Variants in AGBL4 observed in about 807,000 individuals in gnomAD.
The protein encoded by AGBL4 is AGBL carboxypeptidase 4.
In AGBL4, 58 loss-of-function variants were observed where a neutral mutation model predicts 66.4. That is an observed-to-expected ratio of 0.87 (90% CI 0.71 to 1.09). AGBL4 has a LOEUF of 1.09. Among genes scored for constraint, AGBL4 ranks in the 50% least tolerant of loss-of-function variants. AGBL4 has a pLI of 0.00. For missense variants in AGBL4, 579 were observed against 631.0 expected (o/e 0.92, Z 0.88); for synonymous variants, 234 against 222.9 (o/e 1.05, Z -0.44).
intron 4 of AGBL4, among the ~76,000 whole-genome samples, chr1:49,048,685 T>C (rs1644139610): frequency 6.6e-6 from 1 of 152,146 alleles, no homozygotes; most frequent in Admixed American, 6.5e-5. Context: ...TTTTGTTTAT[T>C]ATGTCTCAGA....
chr1:49,589,749 A>C (rs1644718390), intron 3 of AGBL4, among the ~76,000 whole-genome samples: 1 of 152,138 alleles, frequency 6.6e-6, no homozygotes, highest in Non-Finnish European at 1.5e-5. Context: ...GTCCCAATTA[A>C]GAGTGAAATT....
intron 6 of AGBL4, among the ~76,000 whole-genome samples, chr1:48,663,460 C>T (rs1324393504): frequency 6.6e-6 from 1 of 152,174 alleles, no homozygotes; most frequent in Non-Finnish European, 1.5e-5. Context: ...TACAACTGAT[C>T]ATATTATATT....
intron 5 of AGBL4, among the ~76,000 whole-genome samples, chr1:48,967,168 C>G (rs1658512239): frequency 6.6e-6 from 1 of 151,996 alleles, no homozygotes; most frequent in Non-Finnish European, 1.5e-5. Flanking sequence ...ACTGTGTTTC[C>G]TTATACTTCA....
intron 3 of AGBL4, among the ~76,000 whole-genome samples, chr1:49,273,946 T>G (rs1003776656): frequency 6.6e-6 from 1 of 152,146 alleles, no homozygotes; most frequent in African/African-American, 2.4e-5. Flanking sequence ...CCTCCCAAAG[T>G]GCTGGGATTA....
intron 3 of AGBL4, among the ~76,000 whole-genome samples, chr1:49,408,105 T>G (rs769971924): frequency 6.6e-6 from 1 of 152,154 alleles, no homozygotes; most frequent in Admixed American, 6.5e-5. Context: ...GTGATTCTAC[T>G]CCTTTGCCTG....
chr1:49,173,326 A>C (rs1646772733), intron 4 of AGBL4, among the ~76,000 whole-genome samples: 1 of 152,186 alleles, frequency 6.6e-6, no homozygotes, highest in Admixed American at 6.5e-5. Flanking sequence ...TATTTTACTG[A>C]TTGGAATACA....
At chr1:48,771,237 C>T (rs2148693223) in intron 6 of AGBL4, among the ~76,000 whole-genome samples, 1 of 152,268 alleles carries the variant, frequency 6.6e-6, no homozygotes, top group African/African-American at 2.4e-5. Flanking sequence ...GTACACACAA[C>T]TTCTGTCCCT....
rs574201049 is a variant in AGBL4, at chr1:49,191,308, C to T, written c.377+54462G>A. Among the ~76,000 whole-genome samples, 25 of 152,336 alleles carry T rather than the reference C, an allele frequency of 1.6e-4. No homozygotes were observed. In the South Asian group the frequency reaches 3.5e-3, roughly 21 times the overall value. ...ACACCGTGTACTTCTCCAATTATAT[C>T]ACCTAGCACAAGATGCACATTTAGT... On this transcript the variant is annotated intron_variant, in intron 4 of 13. Coordinates refer to ENST00000371839, the MANE Select transcript of AGBL4 (RefSeq NM_032785.4).
intron 4 of AGBL4, among the ~76,000 whole-genome samples, chr1:49,194,956 G>A (rs894682048): frequency 1.3e-5 from 2 of 151,782 alleles, no homozygotes; most frequent in African/African-American, 4.8e-5. Flanking sequence ...TCCCACCTCA[G>A]CAATGGAGTA....
intron 3 of AGBL4, among the ~76,000 whole-genome samples, chr1:49,441,650 C>A (rs1646033609): frequency 6.6e-6 from 1 of 152,174 alleles, no homozygotes; most frequent in African/African-American, 2.4e-5. Flanking sequence ...TATAATTTCT[C>A]TTCTCTGTAT....
chr1:49,304,820 T>A (rs1644820883), intron 3 of AGBL4, among the ~76,000 whole-genome samples: 1 of 152,172 alleles, frequency 6.6e-6, no homozygotes. Flanking sequence ...AGACATAGTA[T>A]AAACTGTTAT....
At chr1:49,317,021 A>G (rs1176245622) in intron 3 of AGBL4, among the ~76,000 whole-genome samples, 1 of 151,914 alleles carries the variant, frequency 6.6e-6, no homozygotes, top group Non-Finnish European at 1.5e-5. Context: ...AGAAAAAAAC[A>G]TATATAGCAT....
At chr1:49,056,544 G>A (rs1273879762) in intron 4 of AGBL4, among the ~76,000 whole-genome samples, 2 of 152,112 alleles carry the variant, frequency 1.3e-5, no homozygotes, top group African/African-American at 4.8e-5. Flanking sequence ...AAGTTTTTGT[G>A]TCTCTAGGAA....
intron 6 of AGBL4, chr1:48,728,067 C>T (rs1647458631): frequency 6.4e-7 from 1 of 1,557,980 alleles, no homozygotes; most frequent in African/African-American, 1.4e-5. Context: ...AGAAACAAGG[C>T]CAAGGATTAA....
intron 3 of AGBL4, among the ~76,000 whole-genome samples, chr1:49,612,299 G>A (rs1008874285): frequency 2.0e-5 from 3 of 152,054 alleles, no homozygotes; most frequent in African/African-American, 7.2e-5. Flanking sequence ...TGTTATTCTT[G>A]TTGTTTTATC....
chr1:50,002,745 G>C (rs865796368), intron 1 of AGBL4, among the ~76,000 whole-genome samples: 1 of 152,172 alleles, frequency 6.6e-6, no homozygotes, highest in African/African-American at 2.4e-5. Context: ...GTAAGAGACA[G>C]AAAAGACTAC....
At chr1:48,801,291 C>G (rs571835272) in intron 6 of AGBL4, among the ~76,000 whole-genome samples, 2 of 152,314 alleles carry the variant, frequency 1.3e-5, no homozygotes, top group African/African-American at 4.8e-5. Context: ...CCCCTCCCTG[C>G]CTGCCCACAC....
intron 5 of AGBL4, among the ~76,000 whole-genome samples, chr1:48,887,512 C>T (rs1451656678): frequency 6.6e-6 from 1 of 152,050 alleles, no homozygotes; most frequent in East Asian, 1.9e-4. Flanking sequence ...ATTTTTGTTC[C>T]TAGCACAACA....
intron 5 of AGBL4, among the ~76,000 whole-genome samples, chr1:48,921,052 C>T (rs1364104547): frequency 1.3e-5 from 2 of 152,164 alleles, no homozygotes; most frequent in African/African-American, 2.4e-5. Context: ...GTGGTGTTTT[C>T]GGCATCCATT....
Sources: gnomAD v4.1 joint callset for allele counts (sites outside exome capture counted in the v4.1 genomes callset) on GRCh38, gnomAD v4.1.1 for gene constraint, MANE v1.5 for transcripts, NCBI Gene and HGNC (gene_info 2026-07-23, HGNC 2026-07-21) for gene names.